The following CNTNAP5 variants were observed in gnomAD, a reference collection of about 807,000 sequenced individuals.
The protein encoded by CNTNAP5 is contactin associated protein family member 5, also known as contactin-associated protein-like 5.
A neutral mutation model predicts 150.2 loss-of-function variants in CNTNAP5; 72 were observed. The observed-to-expected ratio is 0.48, with a 90% CI of 0.40 to 0.58. CNTNAP5 has a LOEUF of 0.58. Among genes scored for constraint, CNTNAP5 ranks in the 20% least tolerant of loss-of-function variants. The probability of loss-of-function intolerance (pLI) is 0.00; values close to 1 mark genes in which losing one functional copy is unlikely to be tolerated. For missense variants in CNTNAP5, 1,636 were observed against 1,626.2 expected, an observed-to-expected ratio of 1.01 and a Z score of -0.10; for synonymous variants, 672 against 619.8, an observed-to-expected ratio of 1.08 and a Z score of -1.25.
chr2:124,609,090 G>A (rs1475787974), intron 11 of CNTNAP5, among the ~76,000 whole-genome samples: 1 of 152,120 alleles, frequency 6.6e-6, no homozygotes, highest in Non-Finnish European at 1.5e-5. Flanking sequence ...AACATCAAAT[G>A]ACACGTGACC....
chr2:124,498,392 G>C (rs1345393481), intron 7 of CNTNAP5, among the ~76,000 whole-genome samples: 1 of 152,166 alleles, frequency 6.6e-6, no homozygotes, highest in Non-Finnish European at 1.5e-5. Context: ...TTCTGGGGAG[G>C]GGGAGGGAAG....
intron 17 of CNTNAP5, among the ~76,000 whole-genome samples, chr2:124,781,980 AGT>A (rs577311834): frequency 8.7e-4 from 133 of 152,286 alleles, no homozygotes; most frequent in Admixed American, 2.0e-3. Context: ...TGCCCAGAGG[AGT>A]GTGCTCCAAA....
chr2:124,718,691 TGGGAA>T lies in CNTNAP5; in HGVS notation c.2078-28536_2078-28532del, dbSNP rs901266315. Among the ~76,000 whole-genome samples, 24 of 152,052 alleles carry T rather than the reference TGGGAA, an allele frequency of 1.6e-4. 1 individual carries two copies. The highest frequency in any genetic ancestry group is 1.6e-3 in the East Asian group (8 of 5,142). On this transcript the variant is annotated intron_variant, in intron 13 of 23. Coordinates refer to ENST00000682447, the MANE Select transcript of CNTNAP5 (RefSeq NM_001367498.1). ...TAGTGACCACTGGCCACATTAAGAA[TGGGAA>T]GTAAGGCCGGGCCAAAGCGAGCAGA...
At chr2:124,707,036 AAGAAGGAGGAGGAGG>A (rs1679681112) in intron 13 of CNTNAP5, among the ~76,000 whole-genome samples, 1 of 99,486 alleles carries the variant, frequency 1.0e-5, no homozygotes, top group Non-Finnish European at 2.4e-5. Flanking sequence ...GAAGAAGAAG[AAGAAGGAGGAGGAGG>A]AGGAGGAGGA....
At chr2:124,616,671 C>T (rs1677499375) in intron 12 of CNTNAP5, among the ~76,000 whole-genome samples, 1 of 152,216 alleles carries the variant, frequency 6.6e-6, no homozygotes, top group African/African-American at 2.4e-5. Context: ...TTTCAACACA[C>T]CTTCCTCATT....
At chr2:124,458,193 G>T (rs557517973) in intron 6 of CNTNAP5, among the ~76,000 whole-genome samples, 111 of 89,884 alleles carry the variant, frequency 1.2e-3, no homozygotes, top group Non-Finnish European at 1.9e-3. Context: ...AGTGGATAAA[G>T]AAACTAATAT....
At chr2:124,368,012 G>A (rs1690421144) in intron 3 of CNTNAP5, among the ~76,000 whole-genome samples, 1 of 152,152 alleles carries the variant, frequency 6.6e-6, no homozygotes, top group Non-Finnish European at 1.5e-5. Flanking sequence ...CCTTTCAAAT[G>A]TGTCTATAAT....
rs532449512 is a variant in CNTNAP5, at chr2:124,367,747, C to T, written c.382-49696C>T. Among the ~76,000 whole-genome samples, 6 of 152,270 alleles carry T rather than the reference C, an allele frequency of 3.9e-5. No individual in the cohort carries two copies. In the South Asian group the frequency reaches 1.0e-3, roughly 26 times the overall value. The stretch of plus-strand genomic sequence containing the variant: ...CCTTAGAAAGGACCTGGCTCCCTGA[C>T]GTGAAGGAAAATTACAAAATTCACA... On this transcript the variant is annotated intron_variant, in intron 3 of 23. Transcript: ENST00000682447.
chr2:124,270,692 C>A (rs921170269), intron 3 of CNTNAP5, among the ~76,000 whole-genome samples: 1 of 151,142 alleles, frequency 6.6e-6, no homozygotes, highest in African/African-American at 2.4e-5. Context: ...TGTGCGCGTG[C>A]TTGCGTGCAT....
chr2:124,532,556 G>A (rs1695134939), intron 10 of CNTNAP5, among the ~76,000 whole-genome samples: 1 of 152,110 alleles, frequency 6.6e-6, no homozygotes, highest in East Asian at 1.9e-4. Flanking sequence ...CAAACCAGGA[G>A]GGAAAAACAG....
In CNTNAP5 at chr2:124,049,055, C is replaced by T. The variant is rs1187404394; in HGVS notation, c.82+23323C>T. On this transcript the variant is annotated intron_variant, in intron 1 of 23. Transcript: ENST00000682447. ...TATAGTGCTTCCCCCATTTGCTTAG[C>T]CAAATATCTCATCTCACGACCCAGG... Among the ~76,000 whole-genome samples, 4 of 152,176 alleles carry T rather than the reference C, an allele frequency of 2.6e-5. No homozygotes were observed. The East Asian group carries it at 7.7e-4, about 29-fold the overall frequency.
At chr2:124,792,711 C>A (rs2104635642) in intron 18 of CNTNAP5, among the ~76,000 whole-genome samples, 1 of 152,274 alleles carries the variant, frequency 6.6e-6, no homozygotes, top group East Asian at 1.9e-4. Context: ...CCCTGGAAAC[C>A]ACTAATCTAC....
At chr2:124,548,194 C>G (rs1012007549) in intron 10 of CNTNAP5, among the ~76,000 whole-genome samples, 1 of 152,130 alleles carries the variant, frequency 6.6e-6, no homozygotes, top group East Asian at 1.9e-4. Context: ...GTGTAAGGGT[C>G]GTGACATTTT....
chr2:124,541,175 T>C (rs988620954), intron 10 of CNTNAP5, among the ~76,000 whole-genome samples: 1 of 133,314 alleles, frequency 7.5e-6, no homozygotes, highest in African/African-American at 3.0e-5. Flanking sequence ...AGTACAAAAT[T>C]CCGATTTTTT....
intron 1 of CNTNAP5, among the ~76,000 whole-genome samples, chr2:124,220,786 G>T (rs1419442092): frequency 6.6e-6 from 1 of 152,066 alleles, no homozygotes; most frequent in African/African-American, 2.4e-5. Context: ...TGAGGGTGGA[G>T]CCCTCACAGC....
At chr2:124,572,515 T>C (rs1405046782) in intron 11 of CNTNAP5, among the ~76,000 whole-genome samples, 1 of 152,096 alleles carries the variant, frequency 6.6e-6, no homozygotes, top group African/African-American at 2.4e-5. Flanking sequence ...GACCTGGGCA[T>C]AAAGGCTGGA....
Position 124,741,987 on chromosome 2 carries a change from G to A in CNTNAP5, c.2078-5242G>A, listed in dbSNP as rs145353924. On this transcript the variant is annotated intron_variant, in intron 13 of 23. Coordinates refer to ENST00000682447, the MANE Select transcript of CNTNAP5 (RefSeq NM_001367498.1). ...AGTTTATGATGCATTATCCTGTTTA[G>A]GATAATTAGAAAAATAGAAACCTGC... Among the ~76,000 whole-genome samples the A allele has an allele frequency of 3.3e-5, 5 of 152,182 alleles. No homozygotes were observed. The East Asian group carries it at 9.7e-4, about 29-fold the overall frequency.
At chr2:124,652,251 C>T (rs1293012989) in intron 13 of CNTNAP5, among the ~76,000 whole-genome samples, 1 of 152,172 alleles carries the variant, frequency 6.6e-6, no homozygotes, top group African/African-American at 2.4e-5. Flanking sequence ...TGTCTTTCCC[C>T]TCACTCTGCT....
chr2:124,788,796 C>A (rs1681655632), intron 17 of CNTNAP5, among the ~76,000 whole-genome samples: 1 of 151,968 alleles, frequency 6.6e-6, no homozygotes, highest in Non-Finnish European at 1.5e-5. Flanking sequence ...CCATACCTGA[C>A]TAATTTTTGT....
Sources: gnomAD v4.1 joint callset for allele counts (sites outside exome capture counted in the v4.1 genomes callset) on GRCh38, gnomAD v4.1.1 for gene constraint, MANE v1.5 for transcripts, NCBI Gene and HGNC (gene_info 2026-07-23, HGNC 2026-07-21) for gene names.